The following PTPRD variants were observed in gnomAD, a reference collection of about 807,000 sequenced individuals.
PTPRD encodes receptor-type tyrosine-protein phosphatase delta.
PTPRD carries 34 observed loss-of-function variants against 214.5 expected under a neutral mutation model. That is an observed-to-expected ratio of 0.16 (90% CI 0.12 to 0.21). The LOEUF (loss-of-function observed/expected upper bound fraction) is 0.21, where lower values mean the gene tolerates loss of function less well. Ranked by LOEUF, PTPRD falls within the 10% of genes least tolerant of loss-of-function variation. The pLI is 1.00. For synonymous variants in PTPRD, 1,128 were observed against 845.7 expected (o/e 1.33, Z -5.79); for missense variants, 2,545 against 2,398.7 (o/e 1.06, Z -1.27).
chr9:9,112,154 G>A (rs75233565), intron 10 of PTPRD, among the ~76,000 whole-genome samples: 7 of 152,060 alleles, frequency 4.6e-5, no homozygotes, highest in African/African-American at 1.7e-4. Flanking sequence ...TTTGTAGCTG[G>A]CACTGATCCT....
chr9:9,767,968 T>A (rs973451194), intron 5 of PTPRD, among the ~76,000 whole-genome samples: 4 of 152,134 alleles, frequency 2.6e-5, no homozygotes, highest in Non-Finnish European at 5.9e-5. Flanking sequence ...TCTAGAATGC[T>A]CCGTAAGCTA....
chr9:9,035,282 T>G (rs1433315945), intron 10 of PTPRD, among the ~76,000 whole-genome samples: 2 of 152,130 alleles, frequency 1.3e-5, no homozygotes, highest in Non-Finnish European at 2.9e-5. Context: ...CCTCCCTTTT[T>G]GTCAGAACGT....
intron 2 of PTPRD, among the ~76,000 whole-genome samples, chr9:10,568,968 C>T (rs2066556235): frequency 6.6e-6 from 1 of 151,922 alleles, no homozygotes; most frequent in Non-Finnish European, 1.5e-5. Flanking sequence ...AAGAAACTAC[C>T]ATCAGAGTGA....
At chr9:9,497,101 T>C (rs183187588) in intron 8 of PTPRD, among the ~76,000 whole-genome samples, 41 of 152,216 alleles carry the variant, frequency 2.7e-4, no homozygotes, top group Non-Finnish European at 4.6e-4. Context: ...AGGCAGAGAA[T>C]GGGGAATCCT....
chr9:9,223,892 A>G (rs1036847162), intron 9 of PTPRD, among the ~76,000 whole-genome samples: 1 of 151,986 alleles, frequency 6.6e-6, no homozygotes, highest in Admixed American at 6.6e-5. Flanking sequence ...CCTTTTTCCT[A>G]TACACCTGGA....
chr9:10,188,748 C>T (rs1350541893), intron 3 of PTPRD, among the ~76,000 whole-genome samples: 4 of 152,070 alleles, frequency 2.6e-5, no homozygotes, highest in Non-Finnish European at 5.9e-5. Flanking sequence ...TAAGATTCAC[C>T]AGAAGCAAAT....
intron 5 of PTPRD, among the ~76,000 whole-genome samples, chr9:9,828,054 T>C (rs2053563385): frequency 6.6e-6 from 1 of 152,164 alleles, no homozygotes; most frequent in Non-Finnish European, 1.5e-5. Flanking sequence ...ACACTGTTGG[T>C]GGGACTGTAA....
At chr9:10,541,446 C>A (rs1314728664) in intron 2 of PTPRD, among the ~76,000 whole-genome samples, 1 of 151,970 alleles carries the variant, frequency 6.6e-6, no homozygotes, top group African/African-American at 2.4e-5. Flanking sequence ...ATTCTTAAGG[C>A]AAATGCATTT....
At chr9:8,618,553 C>T (rs2095689423) in intron 14 of PTPRD, among the ~76,000 whole-genome samples, 1 of 152,016 alleles carries the variant, frequency 6.6e-6, no homozygotes, top group Admixed American at 6.6e-5. Flanking sequence ...TGACAATCTC[C>T]ATCTACCAGA....
chr9:9,926,773 G>A (rs2084468122), intron 5 of PTPRD, among the ~76,000 whole-genome samples: 1 of 152,030 alleles, frequency 6.6e-6, no homozygotes. Context: ...AGAAATCAAA[G>A]GTATAGTTTA....
intron 2 of PTPRD, among the ~76,000 whole-genome samples, chr9:10,392,872 G>C (rs914466548): frequency 6.6e-6 from 1 of 151,854 alleles, no homozygotes; most frequent in Non-Finnish European, 1.5e-5. Flanking sequence ...GAATGGAGCA[G>C]ATTTCTGAGG....
chr9:9,623,897 C>T lies in PTPRD; in HGVS notation c.-286-49116G>A, dbSNP rs148272665. Among the ~76,000 whole-genome samples, 15 of 152,188 alleles carry T rather than the reference C, an allele frequency of 9.9e-5. No homozygotes were observed. In the East Asian group the frequency reaches 2.7e-3, roughly 27 times the overall value. On this transcript the variant is annotated intron_variant, in intron 7 of 45. Coordinates refer to ENST00000381196, the MANE Select transcript of PTPRD (RefSeq NM_002839.4). ...GCAATCTCTCTTAGATTGCCCAAAACTAAAATTTTGAGGAAGTGGCAAAAT... is the reference window on the plus strand; with the variant it reads ...GCAATCTCTCTTAGATTGCCCAAAATTAAAATTTTGAGGAAGTGGCAAAAT...
At chr9:8,541,177 T>A (rs948021880) in intron 14 of PTPRD, among the ~76,000 whole-genome samples, 1 of 152,192 alleles carries the variant, frequency 6.6e-6, no homozygotes, top group Non-Finnish European at 1.5e-5. Context: ...TCTATTTATA[T>A]GGCAAAATTC....
chr9:10,044,686 T>G (rs1177400013), intron 3 of PTPRD, among the ~76,000 whole-genome samples: 3 of 151,726 alleles, frequency 2.0e-5, no homozygotes, highest in African/African-American at 4.8e-5. Flanking sequence ...TCAGGGAGGC[T>G]GGGAAGTTTT....
chr9:10,318,102 G>C (rs1347885807), intron 3 of PTPRD, among the ~76,000 whole-genome samples: 1 of 151,752 alleles, frequency 6.6e-6, no homozygotes, highest in Non-Finnish European at 1.5e-5. Context: ...CTAATATTTT[G>C]ACAGAATAGA....
chr9:9,223,019 T>C (rs2099957172), intron 9 of PTPRD, among the ~76,000 whole-genome samples: 3 of 152,164 alleles, frequency 2.0e-5, no homozygotes, highest in African/African-American at 7.2e-5. Context: ...TAACTATATT[T>C]TTGGTTTGTG....
chr9:8,778,131 T>C (rs181973356), intron 11 of PTPRD, among the ~76,000 whole-genome samples: 2 of 152,216 alleles, frequency 1.3e-5, no homozygotes, highest in Non-Finnish European at 2.9e-5. Flanking sequence ...TACTTTTTAC[T>C]GTTTAGGTGG....
chr9:10,367,164 T>C (rs1369273700), intron 2 of PTPRD, among the ~76,000 whole-genome samples: 1 of 151,876 alleles, frequency 6.6e-6, no homozygotes, highest in Non-Finnish European at 1.5e-5. Context: ...CTATTCCTTA[T>C]TGAAAAATGG....
chr9:9,676,380 G>C (rs890910269), intron 7 of PTPRD, among the ~76,000 whole-genome samples: 1 of 149,612 alleles, frequency 6.7e-6, no homozygotes, highest in African/African-American at 2.5e-5. Context: ...TGCGGTGTTT[G>C]GTTTTTTGTC....
Sources: gnomAD v4.1 joint callset for allele counts (sites outside exome capture counted in the v4.1 genomes callset) on GRCh38, gnomAD v4.1.1 for gene constraint, MANE v1.5 for transcripts, NCBI Gene and HGNC (gene_info 2026-07-23, HGNC 2026-07-21) for gene names.